CARS2: variants seen among roughly 807,000 people sequenced by gnomAD.
CARS2 encodes the protein cysteinyl-tRNA synthetase 2, mitochondrial.
In CARS2, 52 loss-of-function variants were observed where a neutral mutation model predicts 68.8. The observed-to-expected ratio is 0.76, with a 90% CI of 0.61 to 0.95. The LOEUF is 0.95. Ranked by LOEUF, CARS2 falls within the 40% of genes least tolerant of loss-of-function variation. The probability of loss-of-function intolerance (pLI) is 0.00; values close to 1 mark genes in which losing one functional copy is unlikely to be tolerated. For missense variants in CARS2, 780 were observed against 754.2 expected (o/e 1.03, Z -0.40); for synonymous variants, 314 against 303.6 (o/e 1.03, Z -0.36).
chr13:110,706,343 G>A, upstream of CARS2: 1 of 287,436 alleles, frequency 3.5e-6, no homozygotes, highest in Non-Finnish European at 6.4e-6. Context: ...GCGGTGCCGC[G>A]CCGGGAGGCC....
At chr13:110,647,013 G>A in intron 11 of CARS2, 88 bp downstream of exon 11, 8 of 1,431,056 alleles carry the variant, frequency 5.6e-6, no homozygotes, top group Non-Finnish European at 6.5e-6. Flanking sequence ...TGTCTCCTGG[G>A]GGCCCCTCTT....
At chr13:110,712,950 T>C in intron 1 of CARS2, 2 of 1,559,424 alleles carry the variant, frequency 1.3e-6, no homozygotes, top group African/African-American at 2.7e-5. Context: ...CCTAGGCTGC[T>C]GGGAGTGGTG....
intron 3 of CARS2, among the ~76,000 whole-genome samples, chr13:110,692,802 A>C (rs2063509385): frequency 6.6e-6 from 1 of 151,846 alleles, no homozygotes; most frequent in African/African-American, 2.4e-5. Flanking sequence ...CAACAGCGTG[A>C]AACTCTGTCT....
chr13:110,645,041 G>C (rs1251936004), intron 12 of CARS2: 4 of 154,732 alleles, frequency 2.6e-5, no homozygotes, highest in Middle Eastern at 3.4e-3. Context: ...CTGCGGTGAA[G>C]GCAGGAGGCC....
chr13:110,692,047 T>TATACACACATACATATATATAC (rs2063481473), intron 3 of CARS2, among the ~76,000 whole-genome samples: 1 of 129,162 alleles, frequency 7.7e-6, no homozygotes, highest in African/African-American at 3.0e-5. Context: ...TATATATATA[T>TATACACACATACATATATATAC]ACACATATAC....
At position 110,672,010 on chromosome 13, in the gene CARS2, A is replaced by G. The variant is rs1223816431; in HGVS notation, c.786-4537T>C. On this transcript the variant is annotated intron_variant, in intron 7 of 14. Transcript: ENST00000257347. ...TAAAGGGATCAATTCAACAAGAAGA[A>G]CTAACTATCCTAAATATATATGCAC... 3.9e-5 allele frequency among the ~76,000 whole-genome samples: 6 copies of G among 152,226 alleles called. No homozygotes were observed. In the East Asian group the frequency reaches 9.6e-4, roughly 24 times the overall value.
intron 9 of CARS2, among the ~76,000 whole-genome samples, chr13:110,658,875 G>A (rs1328335095): frequency 2.6e-5 from 4 of 152,148 alleles, no homozygotes; most frequent in Admixed American, 2.6e-4. Flanking sequence ...GTTGCAGTGA[G>A]CTGAGATCAC....
At chr13:110,703,641 A>C (rs756567091) in intron 2 of CARS2, among the ~76,000 whole-genome samples, 1 of 152,234 alleles carries the variant, frequency 6.6e-6, no homozygotes, top group Non-Finnish European at 1.5e-5. Flanking sequence ...GTCCTCTTCA[A>C]ATGCATGTCA....
rs373478178 is a variant in CARS2 at position 110,688,077 on chromosome 13, C to T, written c.394-59G>A. ...CTGGGGCATTCGCAACAGAACCACC[C>T]AGCCACAAGAAAGCCCACGTGCACA... is the stretch of plus-strand genomic sequence containing the variant. On this transcript the variant is annotated intron_variant, in intron 3 of 14. Transcript: ENST00000257347. 56 of 1,226,980 alleles carry T rather than the reference C, an allele frequency of 4.6e-5. No individual in the cohort carries two copies. The African/African-American group carries it at 7.7e-4, about 17-fold the overall frequency. 76.0% of individuals were successfully genotyped at this position (1,226,980 alleles called of 1,614,324 possible).
At chr13:110,677,421 CCAATCACCCCCACCATGGAAACA>C (rs1566706085) in intron 6 of CARS2, among the ~76,000 whole-genome samples, 1 of 149,630 alleles carries the variant, frequency 6.7e-6, no homozygotes, top group African/African-American at 2.5e-5. Context: ...CCACGGAAAC[CCAATCACCCCCACCATGGAAACA>C]CAATCACCCC....
At chr13:110,684,645 G>A (rs1248536922) in intron 5 of CARS2, among the ~76,000 whole-genome samples, 1 of 150,946 alleles carries the variant, frequency 6.6e-6, no homozygotes, top group African/African-American at 2.4e-5. Flanking sequence ...GTCATTCAGG[G>A]TTGACCATTA....
In CARS2 at chr13:110,705,684, A is replaced by G; in HGVS notation, c.225-113T>C. 6.8e-7 allele frequency: 1 copy of G among 1,479,522 alleles called. No individual in the cohort carries two copies. The highest frequency in any genetic ancestry group is 9.3e-7 in the Non-Finnish European group (1 of 1,080,108). The allele number at this position is 1,479,522 out of a possible 1,614,324, so 91.6% of individuals were successfully genotyped here. A position where few individuals can be genotyped will look rare whatever the true frequency, so the allele number is the denominator to read the frequency against. On this transcript the variant is annotated intron_variant, in intron 1 of 14. Transcript: ENST00000257347. The surrounding 1 kb of genome is among the most constrained non-coding windows in gnomAD (Gnocchi z 4.0). ...AAGTAATCACTTCTGGGGGATGAATAGCCGGGGTTTTCATACTTGCTCAAT... is the reference window on the plus strand; with the variant it reads ...AAGTAATCACTTCTGGGGGATGAATGGCCGGGGTTTTCATACTTGCTCAAT...
At position 110,663,536 on chromosome 13, in the gene CARS2, G is replaced by A. The variant is rs1057521365; in HGVS notation, c.920-18C>T. The A allele has an allele frequency of 6.2e-7, 1 of 1,613,018 alleles. No homozygotes were observed. The highest frequency in any genetic ancestry group is 1.7e-5 in the Admixed American group (1 of 59,730). ...CAAATGCCCTGAAACAAAAACAAAA[G>A]CATTCAGTCTGAGCTGGGTGAGGAG... On this transcript the variant is annotated intron_variant, in intron 8 of 14. Coordinates refer to ENST00000257347, the MANE Select transcript of CARS2 (RefSeq NM_024537.4).
intron 5 of CARS2, 30 bp downstream of exon 5, chr13:110,687,691 A>AAT: frequency 8.3e-7 from 1 of 1,208,798 alleles, no homozygotes; most frequent in Non-Finnish European, 1.2e-6. Flanking sequence ...AAAAAAAAAA[A>AAT]GAAAAAAAAA....
chr13:110,703,755 G>A (rs79762140), intron 2 of CARS2, among the ~76,000 whole-genome samples: 7,417 of 152,278 alleles, frequency 0.049, 366 homozygotes, highest in African/African-American at 0.11. Flanking sequence ...ATAACGCCCC[G>A]TTTCCCAGTG....
At chr13:110,647,329 G>C in intron 10 of CARS2, 90 bp from the exon 11 acceptor site, 1 of 1,477,800 alleles carries the variant, frequency 6.8e-7, no homozygotes, top group Non-Finnish European at 9.2e-7. Context: ...TGAGGGCACT[G>C]CCACCCAGGG....
chr13:110,685,834 G>A (rs921761922), intron 5 of CARS2, among the ~76,000 whole-genome samples: 1 of 152,032 alleles, frequency 6.6e-6, no homozygotes, highest in Non-Finnish European at 1.5e-5. Context: ...AAAACAGCAA[G>A]ACGCCAGCCT....
intron 6 of CARS2, chr13:110,678,107 G>C (rs2139814898): frequency 6.6e-6 from 1 of 152,512 alleles, no homozygotes; most frequent in East Asian, 1.9e-4. Context: ...GAGCTGGGCG[G>C]CCGGGAACCC....
rs559336711 is a variant in CARS2 at position 110,665,043 on chromosome 13, G to A, written c.920-1525C>T. ...CCATCCACTGGGTACAGGAGAACAG[G>A]TGTCACTTCTCCTGCGTCAGGAGAC... is the stretch of plus-strand genomic sequence containing the variant. On this transcript the variant is annotated intron_variant, in intron 8 of 14. Coordinates refer to ENST00000257347, the MANE Select transcript of CARS2 (RefSeq NM_024537.4). This position sits in a 1 kb window ranked among gnomAD's most constrained non-coding sequence, Gnocchi z 4.3. The A allele has an allele frequency of 2.2e-5, 22 of 985,454 alleles. No individual in the cohort carries two copies. In the Admixed American group the frequency reaches 3.7e-4, roughly 16 times the overall value. 61.0% of individuals were successfully genotyped at this position (985,454 alleles called of 1,614,324 possible). A position where few individuals can be genotyped will look rare whatever the true frequency, so the allele number is the denominator to read the frequency against.
Sources: allele counts gnomAD v4.1 joint callset (sites outside exome capture counted in the v4.1 genomes callset), GRCh38; gene constraint gnomAD v4.1.1; non-coding constraint Gnocchi (gnomAD v3.1); transcripts MANE v1.5; gene names NCBI Gene and HGNC (gene_info 2026-07-23, HGNC 2026-07-21).